SLC4A11: variants seen among roughly 807,000 people sequenced by gnomAD.
SLC4A11 encodes the protein bicarbonate transporter related protein 1.
SLC4A11 carries 74 observed loss-of-function variants against 95.0 expected under a neutral mutation model. That is an observed-to-expected ratio of 0.78 (90% CI 0.65 to 0.95). The LOEUF (loss-of-function observed/expected upper bound fraction) is 0.95, where lower values mean the gene tolerates loss of function less well. Ranked by LOEUF, SLC4A11 falls within the 40% of genes least tolerant of loss-of-function variation. SLC4A11 has a pLI of 0.00. For synonymous variants in SLC4A11, 548 were observed against 519.0 expected (o/e 1.06, Z -0.76); for missense variants, 1,081 against 1,192.4 (o/e 0.91, Z 1.38).
intron 6 of SLC4A11, 102 bp downstream of exon 6, chr20:3,233,819 C>T (rs1568540330): frequency 2.4e-5 from 36 of 1,519,866 alleles, no homozygotes; most frequent in Non-Finnish European, 3.1e-5. Flanking sequence ...GCCGCCAGAG[C>T]CCCAGGACTC....
intron 7 of SLC4A11, among the ~76,000 whole-genome samples, chr20:3,232,115 CAA>C (rs1247294426): frequency 6.6e-6 from 1 of 152,216 alleles, no homozygotes. Flanking sequence ...TCCTAAGCAA[CAA>C]AAGTCTGTGT....
At position 3,233,598 on chromosome 20, in the gene SLC4A11, G is replaced by A; in HGVS notation, c.645C>T (p.Ile215=). The change falls in exon 7 of 20, where the codon ATC becomes ATT. Residue 215 remains isoleucine, a synonymous_variant. Coordinates refer to ENST00000642402, the MANE Select transcript of SLC4A11 (RefSeq NM_001174089.2). ...MKALQKRHVC[I]SRLVRPQNWG... is the part of the protein sequence containing the mutation. The stretch of plus-strand genomic sequence containing the variant: ...AGTTCTGTGGGCGAACCAGGCGGCT[G>A]ATGCACACGTGCCGCTTCTGTAGGG... 6.2e-7 allele frequency: 1 copy of A among 1,613,582 alleles called. No individual in the cohort carries two copies. The highest frequency in any genetic ancestry group is 1.1e-5 in the South Asian group (1 of 91,088).
chr20:3,228,357 C>G lies in SLC4A11; in HGVS notation c.2460G>C (p.Gln820His). ...QRKIHYFTGLQVLQLLLLCAF... is the reference protein window; with the variant it reads ...QRKIHYFTGLHVLQLLLLCAF... ...CACACAGCAGCAGCAGCTGAAGCAC[C>G]TGCAGGCCCGTGAAGTAGTGGATCT... The change falls in exon 19 of 20, where the codon CAG becomes CAC. Residue 820 changes from glutamine to histidine, a missense_variant. Gln to His is a conservative substitution (Grantham distance 24). This residue lies in a region of SLC4A11 where 767 missense variants were observed against 858.0 expected (regional missense o/e 0.89). Transcript: ENST00000642402. 1 of 1,613,332 alleles carries G rather than the reference C, an allele frequency of 6.2e-7. No homozygotes were observed. The highest frequency in any genetic ancestry group is 8.5e-7 in the Non-Finnish European group (1 of 1,180,000).
Position 3,229,738 on chromosome 20 carries a change from A to G in SLC4A11, c.1528T>C (p.Tyr510His), listed in dbSNP as rs2067688827. ...KYYYGHYLDD[Y>H]HTKRTSSLVS... ...AGGGATGAAGTCCTTTTTGTGTGAT[A>G]GTCGTCCAAGTAATGCCCATAGTAG... Residue 510 changes from tyrosine to histidine, a missense_variant, in exon 14 of 20, where the codon TAT (tyrosine) becomes CAT (histidine). This residue lies in a region of SLC4A11 where 767 missense variants were observed against 858.0 expected (regional missense o/e 0.89). Coordinates refer to ENST00000642402, the MANE Select transcript of SLC4A11 (RefSeq NM_001174089.2). 4 of 1,613,874 alleles carry G rather than the reference A, an allele frequency of 2.5e-6. No individual in the cohort carries two copies. The South Asian group carries it at 4.4e-5, about 18-fold the overall frequency.
At chr20:3,235,284 C>G (rs918756323) in intron 2 of SLC4A11, among the ~76,000 whole-genome samples, 1,657 of 118,250 alleles carry the variant, frequency 0.014, 25 homozygotes, top group South Asian at 0.031. Context: ...ATCCACGTCT[C>G]TCTCTCTCTC....
At chr20:3,233,262 C>T (rs573695072) in intron 7 of SLC4A11, among the ~76,000 whole-genome samples, 15 of 152,184 alleles carry the variant, frequency 9.9e-5, no homozygotes, top group East Asian at 5.8e-4. Flanking sequence ...GAGAAGGCCG[C>T]GTGTTTGAAT....
chr20:3,229,228 AG>A lies in SLC4A11; in HGVS notation c.1884del (p.Phe629LeufsTer11), dbSNP rs34616732. The A allele has an allele frequency of 6.2e-7, 1 of 1,612,906 alleles. No individual in the cohort carries two copies. The highest frequency in any genetic ancestry group is 2.2e-5 in the East Asian group (1 of 44,868). On this transcript the variant is annotated frameshift_variant, in exon 16 of 20. Transcript: ENST00000642402. LOFTEE classifies it high-confidence loss of function. Reference sequence around the variant, plus strand: ...AGCGACTGGATCTGCGCCATCGCAAAGGGGCTCTCGCTGGGGTTGTAGCGGA... The same window carrying A: ...AGCGACTGGATCTGCGCCATCGCAAAGGGCTCTCGCTGGGGTTGTAGCGGA... ...SKFRYNPSES[P>X]FAMAQIQSLS...
intron 1 of SLC4A11, chr20:3,238,312 A>C: frequency 8.1e-7 from 1 of 1,237,556 alleles, no homozygotes; most frequent in Non-Finnish European, 1.0e-6. Context: ...GAAGGAAGCG[A>C]CAGGAGGGGC....
intron 12 of SLC4A11, 68 bp from the exon 13 acceptor site, chr20:3,230,328 A>T: frequency 6.3e-7 from 1 of 1,593,068 alleles, no homozygotes; most frequent in Non-Finnish European, 8.6e-7. Flanking sequence ...GGCCTCCCTG[A>T]GCCCCTGCAC....
rs367716152 is a variant in SLC4A11, at chr20:3,229,691, G to A, written c.1575C>T (p.Gly525=). The change falls in exon 14 of 20, where the codon GGC becomes GGT. Residue 525 remains glycine, a synonymous_variant. Transcript: ENST00000642402. ...TGTGGAGGCTGGCGTTGAGGCTGGC[G>A]CCGAGGCCTGACAGGCTGACAAGGG... is the stretch of plus-strand genomic sequence containing the variant. ...TSSLVSLSGL[G]ASLNASLHTA... The A allele has an allele frequency of 4.0e-5, 65 of 1,613,924 alleles. No individual in the cohort carries two copies. Among genetic ancestry groups the A allele is most frequent in the African/African-American group, 3.9e-4 (29 of 75,044 alleles).
At chr20:3,233,331 C>A (rs958843475) in intron 7 of SLC4A11, among the ~76,000 whole-genome samples, 183 bp downstream of exon 7, 3 of 152,174 alleles carry the variant, frequency 2.0e-5, no homozygotes, top group Admixed American at 6.5e-5. Flanking sequence ...TTTCGGCAAT[C>A]CCCGGGGACA....
In SLC4A11 at chr20:3,234,341, C is replaced by T; in HGVS notation, c.292-27G>A. ...TGAGGGGACCCCAGGGACAGAACCACACGGGCCCATGTATGAGATGCTGTC... is the reference window on the plus strand; with the variant it reads ...TGAGGGGACCCCAGGGACAGAACCATACGGGCCCATGTATGAGATGCTGTC... On this transcript the variant is annotated intron_variant, in intron 4 of 19. Transcript: ENST00000642402. This position sits in a 1 kb window ranked among gnomAD's most constrained non-coding sequence, Gnocchi z 5.8. 1 of 1,604,200 alleles carries T rather than the reference C, an allele frequency of 6.2e-7. No homozygotes were observed.
intron 1 of SLC4A11, chr20:3,238,620 G>A (rs2068064876): frequency 5.0e-6 from 5 of 992,378 alleles, no homozygotes; most frequent in African/African-American, 3.5e-5. Context: ...GGCCGCGCAG[G>A]GCACGGTCAG....
In SLC4A11 at chr20:3,227,678, G is replaced by A. The variant is rs143751993; in HGVS notation, c.*109C>T. The A allele has an allele frequency of 5.1e-4, 611 of 1,186,696 alleles. 3 individuals are homozygous for A. The African/African-American group carries it at 7.5e-3, about 15-fold the overall frequency. 73.5% of individuals were successfully genotyped at this position (1,186,696 alleles called of 1,614,324 possible). A position where few individuals can be genotyped will look rare whatever the true frequency, so the allele number is the denominator to read the frequency against. ...CCAGGCCTGAGTCAGCCATGAGAAG[G>A]CGCAGCACAGAGCAGTCACCCACAC... is the stretch of plus-strand genomic sequence containing the variant. On this transcript the variant is annotated 3_prime_UTR_variant, in exon 20 of 20. Transcript: ENST00000642402.
intron 1 of SLC4A11, 141 bp downstream of exon 1, chr20:3,238,954 G>A: frequency 7.9e-7 from 1 of 1,265,376 alleles, no homozygotes; most frequent in Non-Finnish European, 9.9e-7. Flanking sequence ...CCCCGCGGCT[G>A]GGAATCCCGC....
At chr20:3,238,641 A>T (rs1266431039) in intron 1 of SLC4A11, 1 of 993,324 alleles carries the variant, frequency 1.0e-6, no homozygotes, top group Admixed American at 6.1e-5. Flanking sequence ...GGGTCCCGGG[A>T]CTCCCAAAAC....
Position 3,230,942 on chromosome 20 carries a change from C to T in SLC4A11, c.1159G>A (p.Gly387Arg), listed in dbSNP as rs532348574. ...FGSLNDENTD[G>R]AIDVQKTIAG... ...ACCGCCAGCCCCTCACCGATGGCCCCGTCTGTGTTCTCGTCATTGAGAGAC... is the reference window on the plus strand; with the variant it reads ...ACCGCCAGCCCCTCACCGATGGCCCTGTCTGTGTTCTCGTCATTGAGAGAC... Residue 387 changes from glycine (G) to arginine (R), a missense_variant, in exon 10 of 20, where the codon GGG becomes AGG. By Grantham distance (125) the Gly-to-Arg change is moderately radical. Around this residue, in one of 3 missense-constraint regions of SLC4A11, gnomAD observed 767 missense variants for 858.0 expected, o/e 0.89. Transcript: ENST00000642402. The T allele has an allele frequency of 1.8e-5, 29 of 1,613,812 alleles. No individual in the cohort carries two copies. The highest frequency in any genetic ancestry group is 4.4e-5 in the South Asian group (4 of 91,078).
At chr20:3,238,734 G>A (rs2068067891) in intron 1 of SLC4A11, 5 of 1,065,858 alleles carry the variant, frequency 4.7e-6, no homozygotes, top group Non-Finnish European at 5.7e-6. Context: ...CCGAGGCGGC[G>A]GCCCGCCAGG....
chr20:3,237,873 C>T (rs1018950214), intron 1 of SLC4A11: 5 of 1,551,092 alleles, frequency 3.2e-6, no homozygotes, highest in South Asian at 2.4e-5. Flanking sequence ...GATGTCTTCC[C>T]ACCGAGTTAG....
Sources: gnomAD v4.1 joint callset for allele counts (sites outside exome capture counted in the v4.1 genomes callset) on GRCh38, gnomAD v4.1.1 for gene constraint, gnomAD v4.1.1 regional missense constraint, Gnocchi (gnomAD v3.1) non-coding constraint, MANE v1.5 for transcripts, NCBI Gene and HGNC (gene_info 2026-07-23, HGNC 2026-07-21) for gene names.